SAG: variants seen among roughly 807,000 people sequenced by gnomAD.
SAG encodes S-arrestin.
SAG carries 45 observed loss-of-function variants against 55.0 expected under a neutral mutation model. That is an observed-to-expected ratio of 0.82 (90% CI 0.64 to 1.05). The LOEUF (loss-of-function observed/expected upper bound fraction) is 1.05, where lower values mean the gene tolerates loss of function less well. Ranked by LOEUF, SAG falls within the 50% of genes least tolerant of loss-of-function variation. The pLI is 0.00. For missense variants in SAG, 455 were observed against 512.1 expected (o/e 0.89, Z 1.08); for synonymous variants, 189 against 197.4 (o/e 0.96, Z 0.36).
intron 15 of SAG, 66 bp from the exon 16 acceptor site, chr2:233,346,741 G>C: frequency 9.2e-7 from 1 of 1,091,360 alleles, no homozygotes; most frequent in Non-Finnish European, 1.4e-6. Flanking sequence ...AAAAGATCAA[G>C]GATCTTGTTT....
In SAG at chr2:233,308,031, C is replaced by G. The variant is rs1268709543; in HGVS notation, c.-29+9C>G. On this transcript the variant is annotated intron_variant, in intron 1 of 15. Coordinates refer to ENST00000409110, the MANE Select transcript of SAG (RefSeq NM_000541.5). ...TGGTGACAAATCACAAGGTATGTGA[C>G]CACCACAGGCCAAAACCTTATCAGA... The G allele has an allele frequency of 6.6e-6, 1 of 152,476 alleles. No homozygotes were observed. The highest frequency in any genetic ancestry group is 2.4e-5 in the African/African-American group (1 of 41,464). The allele number at this position is 152,476 out of a possible 1,614,324, so 9.4% of individuals were successfully genotyped here. A position where few individuals can be genotyped will look rare whatever the true frequency, so the allele number is the denominator to read the frequency against.
Position 233,319,052 on chromosome 2 carries a change from C to T in SAG, c.181+257C>T, listed in dbSNP as rs761261210. ...GCAGATAAGTAGATGGTAGACGGAG[C>T]CCAGGTCTGTGGCCCCCATTCCTGT... On this transcript the variant is annotated intron_variant, in intron 4 of 15. Transcript: ENST00000409110. The surrounding 1 kb of genome is among the most constrained non-coding windows in gnomAD (Gnocchi z 4.4). 9.0e-6 allele frequency: 6 copies of T among 667,188 alleles called. No individual in the cohort carries two copies. Among genetic ancestry groups the T allele is most frequent in the African/African-American group, 8.9e-5 (5 of 56,282 alleles). 41.3% of individuals were successfully genotyped at this position (667,188 alleles called of 1,614,324 possible). A position where few individuals can be genotyped will look rare whatever the true frequency, so the allele number is the denominator to read the frequency against.
At position 233,308,012 on chromosome 2, in the gene SAG, C is replaced by G. The variant is rs547489679; in HGVS notation, c.-39C>G. On this transcript the variant is annotated 5_prime_UTR_variant, in exon 1 of 16. Coordinates refer to ENST00000409110, the MANE Select transcript of SAG (RefSeq NM_000541.5). Reference sequence around the variant, plus strand: ...CCGGCCCTTCCCACCTGGTTGGTGACAAATCACAAGGTATGTGACCACCAC... The same window carrying G: ...CCGGCCCTTCCCACCTGGTTGGTGAGAAATCACAAGGTATGTGACCACCAC... 3 of 152,642 alleles carry G rather than the reference C, an allele frequency of 2.0e-5. No individual in the cohort carries two copies. The highest frequency in any genetic ancestry group is 7.2e-5 in the African/African-American group (3 of 41,590). The allele number at this position is 152,642 out of a possible 1,614,324, so 9.5% of individuals were successfully genotyped here. A position where few individuals can be genotyped will look rare whatever the true frequency, so the allele number is the denominator to read the frequency against.
At position 233,334,998 on chromosome 2, in the gene SAG, G is replaced by A. The variant is rs374774483; in HGVS notation, c.843G>A (p.Thr281=). ...KVPPNSTLTK[T]LTLLPLLANN... is the part of the protein sequence containing the mutation. ...CACCAAACAGCACTTTGACCAAGACGCTGACGCTGCTGCCCTTGCTGGCTA... is the reference window on the plus strand; with the variant it reads ...CACCAAACAGCACTTTGACCAAGACACTGACGCTGCTGCCCTTGCTGGCTA... Residue 281 remains threonine, a synonymous_variant, in exon 11 of 16, where the codon ACG becomes ACA. Transcript: ENST00000409110. 4.8e-5 allele frequency: 77 copies of A among 1,613,874 alleles called. 1 individual carries two copies. Among genetic ancestry groups the A allele is most frequent in the African/African-American group, 2.7e-4 (20 of 74,922 alleles).
intron 2 of SAG, among the ~76,000 whole-genome samples, chr2:233,314,321 G>A (rs974626969): frequency 2.0e-5 from 3 of 152,066 alleles, no homozygotes; most frequent in Non-Finnish European, 4.4e-5. Context: ...ATGAGGGATC[G>A]CACAATTCTC....
At chr2:233,326,586 CAAAA>C (rs35383170) in intron 6 of SAG, among the ~76,000 whole-genome samples, 1 of 123,642 alleles carries the variant, frequency 8.1e-6, no homozygotes, top group Non-Finnish European at 1.7e-5. Context: ...ACTCCATCTC[CAAAA>C]AAAAAAAAAA....
chr2:233,310,515 T>TC (rs1288970305), intron 2 of SAG, among the ~76,000 whole-genome samples: 2 of 147,200 alleles, frequency 1.4e-5, no homozygotes, highest in East Asian at 3.9e-4. Context: ...GCTTTTTTTT[T>TC]TTTTTTTTTT....
intron 11 of SAG, among the ~76,000 whole-genome samples, chr2:233,337,361 C>T (rs1224362953): frequency 6.6e-6 from 1 of 152,140 alleles, no homozygotes; most frequent in Non-Finnish European, 1.5e-5. Context: ...GGCTCAGCCT[C>T]CTGAGTAGCT....
chr2:233,316,267 G>A (rs1171555418), intron 3 of SAG, 132 bp downstream of exon 3: 12 of 489,350 alleles, frequency 2.5e-5, no homozygotes, highest in South Asian at 7.4e-5. Flanking sequence ...TCAGTGAGGC[G>A]CCACTGGCTG....
intron 4 of SAG, chr2:233,320,055 G>A (rs1392934003): frequency 1.2e-6 from 1 of 863,474 alleles, no homozygotes. Flanking sequence ...TTCAGAAGTG[G>A]GGGTTTAGAG....
intron 6 of SAG, 61 bp downstream of exon 6, chr2:233,323,066 T>G (rs969566828): frequency 9.4e-7 from 1 of 1,069,248 alleles, no homozygotes; most frequent in African/African-American, 1.6e-5. Context: ...ATAGACTTTT[T>G]TATTGTTTTT....
chr2:233,346,228 G>A (rs1171053861), intron 14 of SAG, 175 bp from the exon 15 acceptor site: 1 of 486,500 alleles, frequency 2.1e-6, no homozygotes, highest in African/African-American at 2.0e-5. Context: ...GGAAAGGCAG[G>A]GAGGCAGGAA....
At chr2:233,314,819 G>C (rs1275122038) in intron 2 of SAG, among the ~76,000 whole-genome samples, 1 of 152,202 alleles carries the variant, frequency 6.6e-6, no homozygotes, top group African/African-American at 2.4e-5. Flanking sequence ...TGAAAGGGGA[G>C]CGTATAGGAG....
At chr2:233,318,608 T>C (rs772747065) in intron 3 of SAG, 143 bp from the exon 4 acceptor site, 5 of 713,218 alleles carry the variant, frequency 7.0e-6, no homozygotes, top group Non-Finnish European at 1.2e-5. Flanking sequence ...TGGATGACTT[T>C]TTTCCCTTTG....
At chr2:233,315,411 A>G (rs573571933) in intron 2 of SAG, among the ~76,000 whole-genome samples, 30 of 145,760 alleles carry the variant, frequency 2.1e-4, no homozygotes, top group African/African-American at 6.1e-4. Flanking sequence ...TCCTGCCTCA[A>G]TCTCTCGAGT....
intron 9 of SAG, among the ~76,000 whole-genome samples, chr2:233,330,006 T>G (rs1700697122): frequency 6.6e-6 from 1 of 152,156 alleles, no homozygotes; most frequent in African/African-American, 2.4e-5. Context: ...AGGTCCCACA[T>G]GGAAGCGCTT....
intron 15 of SAG, among the ~76,000 whole-genome samples, 173 bp from the exon 16 acceptor site, chr2:233,346,634 T>C (rs943621905): frequency 6.6e-6 from 1 of 152,204 alleles, no homozygotes; most frequent in Admixed American, 6.5e-5. Context: ...TTTCTCCCAT[T>C]GGTGCTAGTT....
chr2:233,346,611 C>T (rs756052076), intron 15 of SAG, among the ~76,000 whole-genome samples, 196 bp from the exon 16 acceptor site: 12 of 152,336 alleles, frequency 7.9e-5, no homozygotes, highest in African/African-American at 2.4e-4. Context: ...GCTCACTCTG[C>T]GCGTGCCTTT....
At chr2:233,309,854 T>C (rs1700029366) in intron 2 of SAG, among the ~76,000 whole-genome samples, 1 of 152,214 alleles carries the variant, frequency 6.6e-6, no homozygotes, top group African/African-American at 2.4e-5. Flanking sequence ...CTCTGCATCT[T>C]TTCCTAGCCA....
Sources: allele counts gnomAD v4.1 joint callset (sites outside exome capture counted in the v4.1 genomes callset), GRCh38; gene constraint gnomAD v4.1.1; non-coding constraint Gnocchi (gnomAD v3.1); transcripts MANE v1.5; gene names NCBI Gene and HGNC (gene_info 2026-07-23, HGNC 2026-07-21).